SELENON: variants seen among roughly 807,000 people sequenced by gnomAD.
SELENON encodes selenoprotein N.
A neutral mutation model predicts 59.5 loss-of-function variants in SELENON; 44 were observed. The observed-to-expected ratio is 0.74, with a 90% CI of 0.58 to 0.95. The LOEUF is 0.95. Ranked by LOEUF, SELENON falls within the 40% of genes least tolerant of loss-of-function variation. The pLI, the probability that SELENON is intolerant of heterozygous loss-of-function variation, is 0.00. For missense variants in SELENON, 674 were observed against 721.4 expected, an observed-to-expected ratio of 0.93 and a Z score of 0.75; for synonymous variants, 320 against 305.6, an observed-to-expected ratio of 1.05 and a Z score of -0.49.
At position 25,808,677 on chromosome 1, in the gene SELENON, C is replaced by T. The variant is rs369911425; in HGVS notation, c.635C>T (p.Pro212Leu). The change falls in exon 5 of 13, where the codon CCG (proline) becomes CTG (leucine). Residue 212 changes from proline (P) to leucine (L), a missense_variant. By Grantham distance (98) the Pro-to-Leu change is moderately conservative. Coordinates refer to ENST00000361547, the MANE Select transcript of SELENON (RefSeq NM_020451.3). ...CGCCACTTCCAGCCCTTCCTTCCCCCGCCAGGCCAGGAGCTGGGTGAGCCC... is the reference window on the plus strand; with the variant it reads ...CGCCACTTCCAGCCCTTCCTTCCCCTGCCAGGCCAGGAGCTGGGTGAGCCC... 49 of 1,614,014 alleles carry T rather than the reference C, an allele frequency of 3.0e-5. No homozygotes were observed. The highest frequency in any genetic ancestry group is 1.6e-4 in the Middle Eastern group (1 of 6,084).
At chr1:25,804,396 C>T (rs982467613) in intron 3 of SELENON, among the ~76,000 whole-genome samples, 2 of 152,208 alleles carry the variant, frequency 1.3e-5, no homozygotes, top group African/African-American at 4.8e-5. Flanking sequence ...TGTACCACTA[C>T]CCTGCCCTGA....
intron 12 of SELENON, 50 bp downstream of exon 11, chr1:25,814,228 G>A (rs372974216): frequency 1.8e-4 from 262 of 1,435,396 alleles, no homozygotes; most frequent in Non-Finnish European, 2.3e-4. Context: ...TCGGGGCCCC[G>A]GGAGCAACCA....
At chr1:25,801,462 A>G (rs1315867085) in intron 2 of SELENON, among the ~76,000 whole-genome samples, 1 of 152,186 alleles carries the variant, frequency 6.6e-6, no homozygotes, top group Admixed American at 6.5e-5. Flanking sequence ...GGAGTTCAAG[A>G]CCAGCCTGGT....
In SELENON at chr1:25,815,541, C is replaced by T; in HGVS notation, c.1603-7C>T. The T allele has an allele frequency of 6.2e-7, 1 of 1,613,952 alleles. No homozygotes were observed. Among genetic ancestry groups the T allele is most frequent in the Non-Finnish European group, 8.5e-7 (1 of 1,179,914 alleles). ...GCCCCACTTGCCTCACCCGGCCCTT[C>T]TCCCAGGTCCATCACATCAATGCCA... is the stretch of plus-strand genomic sequence containing the variant. On this transcript the variant is annotated splice_polypyrimidine_tract_variant and splice_region_variant and intron_variant, in intron 12 of 12. Transcript: ENST00000361547.
At chr1:25,811,372 C>A in intron 7 of SELENON, 82 bp from the exon 7 acceptor site, 1 of 1,198,674 alleles carries the variant, frequency 8.3e-7, no homozygotes, top group Non-Finnish European at 1.2e-6. Flanking sequence ...AAAGTGGAGA[C>A]AGTTGCAGGT....
chr1:25,800,208 G>GGCA lies in SELENON; in HGVS notation c.-20_-18dup. ...CCGCTCTTTCGCTTCCCGGGCCGCC[G>GGCA]GCAGCCGCCGCCAGCCGCAGCCATG... On this transcript the variant is annotated 5_prime_UTR_variant, in exon 1 of 13. Coordinates refer to ENST00000361547, the MANE Select transcript of SELENON (RefSeq NM_020451.3). 1 of 471,606 alleles carries GGCA rather than the reference G, an allele frequency of 2.1e-6. No individual in the cohort carries two copies. The highest frequency in any genetic ancestry group is 8.6e-5 in the South Asian group (1 of 11,648). The allele number at this position is 471,606 out of a possible 1,614,324, so 29.2% of individuals were successfully genotyped here. A position where few individuals can be genotyped will look rare whatever the true frequency, so the allele number is the denominator to read the frequency against.
rs538026790 is a variant in SELENON at position 25,803,778 on chromosome 1, A to G, written c.404-1364A>G. 2.8e-4 allele frequency among the ~76,000 whole-genome samples: 43 copies of G among 151,620 alleles called. 2 individuals are homozygous for G. Among genetic ancestry groups the G allele is most frequent in the Middle Eastern group, 3.4e-3 (1 of 294 alleles). The stretch of plus-strand genomic sequence containing the variant: ...AGGCTGGAGTGCTCGGCTCACTGCA[A>G]CCTCTGCCTCCCAGGTTCAAGCAAT... On this transcript the variant is annotated intron_variant, in intron 3 of 12. Transcript: ENST00000361547.
chr1:25,812,617 T>G, intron 9 of SELENON, 70 bp from the exon 9 acceptor site: 1 of 1,031,730 alleles, frequency 9.7e-7, no homozygotes, highest in Non-Finnish European at 1.4e-6. Context: ...TTGCACACAC[T>G]ACAGACTCAG....
At chr1:25,804,390 C>T (rs2047884968) in intron 3 of SELENON, among the ~76,000 whole-genome samples, 1 of 152,188 alleles carries the variant, frequency 6.6e-6, no homozygotes, top group Non-Finnish European at 1.5e-5. Context: ...CATCTCTGTA[C>T]CACTACCCTG....
chr1:25,815,462 T>C, intron 12 of SELENON, 86 bp from the exon 12 acceptor site: 1 of 1,165,484 alleles, frequency 8.6e-7, no homozygotes, highest in African/African-American at 1.5e-5. Flanking sequence ...CCTGATAGCA[T>C]CCCTGCTTCT....
chr1:25,802,890 T>A (rs1295104571), intron 3 of SELENON, among the ~76,000 whole-genome samples: 1 of 152,186 alleles, frequency 6.6e-6, no homozygotes, highest in Non-Finnish European at 1.5e-5. Flanking sequence ...AAGTCAGTCA[T>A]TGATGGGAAA....
In SELENON at chr1:25,801,139, C is replaced by G. The variant is rs1463776186; in HGVS notation, c.280C>G (p.Pro94Ala). 6 of 1,613,868 alleles carry G rather than the reference C, an allele frequency of 3.7e-6. No homozygotes were observed. The change falls in exon 2 of 13, where the codon CCC (proline) becomes GCC (alanine). Residue 94 changes from proline (P) to alanine (A), a missense_variant. Pro to Ala is a conservative substitution (Grantham distance 27). Transcript: ENST00000361547. ...GTACATCAGCCCTGAGGAGTTCAAACCCATTGCTGAGAAGCTAACAGGTAC... is the reference window on the plus strand; with the variant it reads ...GTACATCAGCCCTGAGGAGTTCAAAGCCATTGCTGAGAAGCTAACAGGTAC...
At chr1:25,803,582 A>G (rs1275705169) in intron 3 of SELENON, among the ~76,000 whole-genome samples, 1 of 152,250 alleles carries the variant, frequency 6.6e-6, no homozygotes, top group East Asian at 1.9e-4. Flanking sequence ...ATTATAATTA[A>G]TAACATTATT....
intron 9 of SELENON, 82 bp from the exon 9 acceptor site, chr1:25,812,605 A>ACACT: frequency 1.1e-6 from 1 of 879,642 alleles, no homozygotes; most frequent in Admixed American, 2.0e-5. Context: ...ACACACACAC[A>ACACT]CTTGCACACA....
intron 1 of SELENON, among the ~76,000 whole-genome samples, chr1:25,800,623 A>G (rs2047852875): frequency 6.6e-6 from 1 of 151,266 alleles, no homozygotes; most frequent in African/African-American, 2.4e-5. Context: ...AACGGAGGCC[A>G]GTGTGGGGCT....
Position 25,802,012 on chromosome 1 carries a change from A to G in SELENON, c.302-4A>G. Reference sequence around the variant, plus strand: ...CTATAACTTTTTTTTTTTTTTTGAGACAGGGTCTTGTTCTGTCACCCAGAC... The same window carrying G: ...CTATAACTTTTTTTTTTTTTTTGAGGCAGGGTCTTGTTCTGTCACCCAGAC... On this transcript the variant is annotated splice_region_variant and splice_polypyrimidine_tract_variant and intron_variant, in intron 2 of 12. Coordinates refer to ENST00000361547, the MANE Select transcript of SELENON (RefSeq NM_020451.3). 8.1e-6 allele frequency: 2 copies of G among 248,160 alleles called. No homozygotes were observed. The highest frequency in any genetic ancestry group is 2.4e-5 in the African/African-American group (1 of 42,506). 15.4% of individuals were successfully genotyped at this position (248,160 alleles called of 1,614,324 possible).
At chr1:25,808,496 TGAGG>T (rs2047928091) in intron 4 of SELENON, 80 bp from the exon 4 acceptor site, 1 of 1,526,886 alleles carries the variant, frequency 6.5e-7, no homozygotes, top group Non-Finnish European at 9.0e-7. Context: ...GCTCGGGGCT[TGAGG>T]GAGACCTCCA....
In SELENON at chr1:25,811,863, T is replaced by C. The variant is rs1394467819; in HGVS notation, c.1265T>C (p.Met422Thr). ...GCTGCCCGGCGCCTGGAGGTGGCCA[T>C]GTACCCCTTCAAGAAGGTGAGGCTG... Residue 422 changes from methionine (M) to threonine (T), a missense_variant, in exon 9 of 13, where the codon ATG becomes ACG. Coordinates refer to ENST00000361547, the MANE Select transcript of SELENON (RefSeq NM_020451.3). 2 of 1,567,756 alleles carry C rather than the reference T, an allele frequency of 1.3e-6. No homozygotes were observed. The highest frequency in any genetic ancestry group is 8.6e-7 in the Non-Finnish European group (1 of 1,156,370).
chr1:25,804,662 C>CAA (rs1415033674), intron 3 of SELENON, among the ~76,000 whole-genome samples: 2 of 100,328 alleles, frequency 2.0e-5, no homozygotes, highest in Non-Finnish European at 2.1e-5. Flanking sequence ...CCCCCCGCCG[C>CAA]AAAAAAAAAA....
Sources: allele counts gnomAD v4.1 joint callset (sites outside exome capture counted in the v4.1 genomes callset), GRCh38; gene constraint gnomAD v4.1.1; transcripts MANE v1.5; gene names NCBI Gene and HGNC (gene_info 2026-07-23, HGNC 2026-07-21).